Variants in PSME4 observed in about 807,000 individuals in gnomAD.
The protein encoded by PSME4 is proteasome activator subunit 4.
PSME4 carries 89 observed loss-of-function variants against 253.9 expected under a neutral mutation model. The ratio of observed to expected loss-of-function variants is 0.35; its 90% CI spans 0.30 to 0.42. The LOEUF is 0.42. Among genes scored for constraint, PSME4 ranks in the 10% least tolerant of loss-of-function variants. The pLI, the probability that PSME4 is intolerant of heterozygous loss-of-function variation, is 1.00. For synonymous variants in PSME4, 851 were observed against 759.2 expected, an observed-to-expected ratio of 1.12 and a Z score of -1.99; for missense variants, 2,014 against 2,195.2, an observed-to-expected ratio of 0.92 and a Z score of 1.65.
At chr2:53,968,583 C>G (rs1022442257) in intron 1 of PSME4, among the ~76,000 whole-genome samples, 2 of 152,182 alleles carry the variant, frequency 1.3e-5, no homozygotes, top group South Asian at 4.1e-4. Context: ...CACAACATGT[C>G]CCACCGCATT....
chr2:53,902,035 C>G (rs1269271167), intron 27 of PSME4, among the ~76,000 whole-genome samples: 1 of 152,030 alleles, frequency 6.6e-6, no homozygotes, highest in African/African-American at 2.4e-5. Context: ...CCACTGTACT[C>G]CAGCTTAGGT....
chr2:53,928,426 T>G (rs1668669356), intron 10 of PSME4, 123 bp from the exon 11 acceptor site: 2 of 741,728 alleles, frequency 2.7e-6, no homozygotes, highest in African/African-American at 1.8e-5. Flanking sequence ...AGCAAAATAC[T>G]CAGAGTGAAA....
Position 53,970,704 on chromosome 2 carries a change from G to A in PSME4, c.81C>T (p.Val27=). ...GRPEPGPRGF[V]PQKEIVYNKL... is the part of the protein sequence containing the mutation. ...TGTTGTAGACGATCTCCTTCTGCGG[G>A]ACGAAGCCCCGCGGGCCCGGCTCGG... is the stretch of plus-strand genomic sequence containing the variant. Residue 27 remains valine (V), a synonymous_variant, in exon 1 of 47, where the codon GTC becomes GTT. Transcript: ENST00000404125. 5 of 1,549,086 alleles carry A rather than the reference G, an allele frequency of 3.2e-6. No homozygotes were observed. Among genetic ancestry groups the A allele is most frequent in the South Asian group, 2.4e-5 (2 of 83,992 alleles).
intron 1 of PSME4, 23 bp from the exon 2 acceptor site, chr2:53,949,306 C>T: frequency 2.0e-6 from 3 of 1,469,682 alleles, no homozygotes; most frequent in South Asian, 1.3e-5. Context: ...AATAGATATA[C>T]CCTTTAAAAA....
chr2:53,949,849 T>A (rs553774871), intron 1 of PSME4, among the ~76,000 whole-genome samples: 1 of 152,198 alleles, frequency 6.6e-6, no homozygotes, highest in African/African-American at 2.4e-5. Flanking sequence ...AAAATTAAGA[T>A]AAACTTGATA....
intron 46 of PSME4, 50 bp downstream of exon 46, chr2:53,866,035 C>T: frequency 6.7e-7 from 1 of 1,495,534 alleles, no homozygotes; most frequent in Non-Finnish European, 9.1e-7. Flanking sequence ...CAATAAATAT[C>T]TAGTTCTCAG....
intron 20 of PSME4, among the ~76,000 whole-genome samples, chr2:53,916,407 T>A (rs1668066142): frequency 6.6e-6 from 1 of 152,228 alleles, no homozygotes; most frequent in Admixed American, 6.5e-5. Flanking sequence ...AAAATATTCA[T>A]GACAATTATG....
chr2:53,911,766 ACT>A (rs1364452531), intron 20 of PSME4, among the ~76,000 whole-genome samples: 2 of 152,232 alleles, frequency 1.3e-5, no homozygotes, highest in African/African-American at 4.8e-5. Flanking sequence ...AATTTTAATT[ACT>A]GTCACTTTAG....
At chr2:53,937,357 T>G in intron 5 of PSME4, 34 bp downstream of exon 5, 2 of 1,493,002 alleles carry the variant, frequency 1.3e-6, no homozygotes, top group Non-Finnish European at 1.8e-6. Context: ...TCCTACCGTA[T>G]TTTTAGAATT....
chr2:53,901,112 C>T (rs971290490), intron 28 of PSME4, among the ~76,000 whole-genome samples: 1 of 152,040 alleles, frequency 6.6e-6, no homozygotes, highest in African/African-American at 2.4e-5. Flanking sequence ...AAATCAATAA[C>T]CCTTTGTGGA....
chr2:53,922,451 A>T (rs1252267723), intron 17 of PSME4, 66 bp downstream of exon 17: 1 of 1,520,686 alleles, frequency 6.6e-7, no homozygotes, highest in African/African-American at 1.4e-5. Context: ...TGTCAGAAAG[A>T]GCTAAATCCT....
intron 26 of PSME4, 29 bp downstream of exon 26, chr2:53,906,569 T>C: frequency 1.3e-6 from 2 of 1,503,058 alleles, no homozygotes; most frequent in East Asian, 2.3e-5. Flanking sequence ...TGGGAGGGCA[T>C]GAGAGTGCAG....
chr2:53,894,908 A>G, intron 34 of PSME4, 99 bp downstream of exon 34: 1 of 1,073,910 alleles, frequency 9.3e-7, no homozygotes, highest in Non-Finnish European at 1.4e-6. Flanking sequence ...CACAAATTGT[A>G]TTAAGAAAAA....
chr2:53,920,842 C>CA (rs763692880), intron 18 of PSME4, 47 bp downstream of exon 18: 56 of 1,482,096 alleles, frequency 3.8e-5, no homozygotes, highest in Admixed American at 1.3e-4. Context: ...TCCCTTAAAA[C>CA]AAAAAATCAA....
chr2:53,951,895 T>C (rs1670014949), intron 1 of PSME4, among the ~76,000 whole-genome samples: 1 of 152,194 alleles, frequency 6.6e-6, no homozygotes, highest in Non-Finnish European at 1.5e-5. Context: ...CGTAGATTAG[T>C]GAAGACAAAA....
At chr2:53,924,735 C>G (rs1338054672) in intron 14 of PSME4, among the ~76,000 whole-genome samples, 1 of 152,122 alleles carries the variant, frequency 6.6e-6, no homozygotes, top group East Asian at 1.9e-4. Context: ...TAACTCGTCA[C>G]TTACATTAGG....
At chr2:53,963,393 C>G (rs1050451021) in intron 1 of PSME4, among the ~76,000 whole-genome samples, 6 of 152,216 alleles carry the variant, frequency 3.9e-5, no homozygotes, top group East Asian at 1.9e-4. Context: ...AAAACTTGCG[C>G]TGATACATCC....
chr2:53,878,870 C>G (rs1573201809), intron 41 of PSME4, among the ~76,000 whole-genome samples: 1 of 152,290 alleles, frequency 6.6e-6, no homozygotes, highest in East Asian at 1.9e-4. Flanking sequence ...TCTCGCCCTG[C>G]CTCCATTTCC....
chr2:53,912,932 A>C (rs140736001), intron 20 of PSME4, among the ~76,000 whole-genome samples: 10 of 152,322 alleles, frequency 6.6e-5, no homozygotes, highest in Middle Eastern at 6.8e-3. Flanking sequence ...ACATAATCTT[A>C]AGTGAATAGT....
Sources: allele counts gnomAD v4.1 joint callset (sites outside exome capture counted in the v4.1 genomes callset), GRCh38; gene constraint gnomAD v4.1.1; transcripts MANE v1.5; gene names NCBI Gene and HGNC (gene_info 2026-07-23, HGNC 2026-07-21).